RNF182: variants seen among roughly 807,000 people sequenced by gnomAD.
RNF182 encodes E3 ubiquitin-protein ligase RNF182.
In RNF182, 15 loss-of-function variants were observed where a neutral mutation model predicts 14.4. The observed-to-expected ratio is 1.04, with a 90% CI of 0.70 to 1.60. RNF182 has a LOEUF of 1.60. RNF182 is among the 40% of genes most tolerant of loss of function. The probability of loss-of-function intolerance (pLI) is 0.00; values close to 1 mark genes in which losing one functional copy is unlikely to be tolerated. For synonymous variants in RNF182, 128 were observed against 122.9 expected, an observed-to-expected ratio of 1.04 and a Z score of -0.27; for missense variants, 268 against 294.8, an observed-to-expected ratio of 0.91 and a Z score of 0.67.
chr6:13,948,733 G>A (rs1258905325), intron 1 of RNF182, among the ~76,000 whole-genome samples: 1 of 152,040 alleles, frequency 6.6e-6, no homozygotes, highest in African/African-American at 2.4e-5. Context: ...AGAATCTCAG[G>A]TCACTGTAAG....
chr6:13,943,565 A>G (rs913843183), intron 1 of RNF182, among the ~76,000 whole-genome samples: 1 of 152,178 alleles, frequency 6.6e-6, no homozygotes, highest in Admixed American at 6.5e-5. Context: ...TGGAACTGCT[A>G]TATTTTGCAT....
rs1330119 is a variant in RNF182 at position 13,926,795 on chromosome 6, T to G, written c.-367+1772T>G. On this transcript the variant is annotated intron_variant, in intron 1 of 2. Coordinates refer to ENST00000488300, the MANE Select transcript of RNF182 (RefSeq NM_152737.4). ...TGTGTTTGTGTGTGTGTGTGTGTTTTTTTTTTTTTCCTGAGGGACCAACAG... is the reference window on the plus strand; with the variant it reads ...TGTGTTTGTGTGTGTGTGTGTGTTTGTTTTTTTTTCCTGAGGGACCAACAG... Among the ~76,000 whole-genome samples the G allele has an allele frequency of 2.0e-3, 290 of 147,954 alleles. 2 individuals are homozygous for G. Among genetic ancestry groups the G allele is most frequent in the East Asian group, 7.0e-3 (36 of 5,160 alleles).
chr6:13,980,140 C>T lies in RNF182; in HGVS notation c.*2277C>T, dbSNP rs952555498. The T allele has an allele frequency of 6.6e-6, 1 of 152,278 alleles. No individual in the cohort carries two copies. The highest frequency in any genetic ancestry group is 6.6e-5 in the Admixed American group (1 of 15,246). 9.4% of individuals were successfully genotyped at this position (152,278 alleles called of 1,614,324 possible). A position where few individuals can be genotyped will look rare whatever the true frequency, so the allele number is the denominator to read the frequency against. On this transcript the variant is annotated 3_prime_UTR_variant, in exon 3 of 3. Coordinates refer to ENST00000488300, the MANE Select transcript of RNF182 (RefSeq NM_152737.4). ...AATGCCTTTATCATGCCCGTGAAGA[C>T]TTCAGAACTTTCCAACAAAGGGGAC... is the stretch of plus-strand genomic sequence containing the variant.
chr6:13,925,435 A>G (rs1416016420), intron 1 of RNF182: 1 of 152,150 alleles, frequency 6.6e-6, no homozygotes, highest in East Asian at 1.9e-4. Context: ...TTGGGAGGGT[A>G]GTAAGAGGGA....
At chr6:13,965,064 C>T (rs1759985009) in intron 1 of RNF182, among the ~76,000 whole-genome samples, 2 of 152,308 alleles carry the variant, frequency 1.3e-5, no homozygotes, top group Middle Eastern at 3.4e-3. Flanking sequence ...ACAGACAGAA[C>T]TCACGCTGAA....
intron 1 of RNF182, among the ~76,000 whole-genome samples, chr6:13,960,169 A>G (rs917011362): frequency 3.3e-5 from 5 of 152,162 alleles, no homozygotes; most frequent in Non-Finnish European, 5.9e-5. Context: ...ACAGAAAAGG[A>G]TCCATTTGCC....
At chr6:13,939,433 G>T (rs1759228114) in intron 1 of RNF182, among the ~76,000 whole-genome samples, 1 of 151,612 alleles carries the variant, frequency 6.6e-6, no homozygotes, top group South Asian at 2.1e-4. Flanking sequence ...CATTAGATTT[G>T]TTCTTTTTGT....
chr6:13,929,916 T>A (rs1165664489), intron 1 of RNF182, among the ~76,000 whole-genome samples: 1 of 152,246 alleles, frequency 6.6e-6, no homozygotes, highest in African/African-American at 2.4e-5. Context: ...GAAGCATTTC[T>A]TCATAGCATA....
chr6:13,929,695 T>C (rs571556158), intron 1 of RNF182, among the ~76,000 whole-genome samples: 1 of 152,332 alleles, frequency 6.6e-6, no homozygotes, highest in African/African-American at 2.4e-5. Flanking sequence ...AGGAAACTAA[T>C]ATGATCACTT....
chr6:13,927,572 A>G (rs1585027225), intron 1 of RNF182, among the ~76,000 whole-genome samples: 1 of 152,354 alleles, frequency 6.6e-6, no homozygotes, highest in Admixed American at 6.5e-5. Flanking sequence ...CAGTTTATGA[A>G]GCATATCCAA....
chr6:13,949,337 C>T, intron 1 of RNF182: 1 of 770,576 alleles, frequency 1.3e-6, no homozygotes, highest in East Asian at 2.5e-5. Context: ...TAGAGTGGCC[C>T]CCTTGCTTCC....
intron 1 of RNF182, among the ~76,000 whole-genome samples, chr6:13,951,711 G>A (rs1466934343): frequency 1.3e-5 from 2 of 152,164 alleles, no homozygotes; most frequent in African/African-American, 4.8e-5. Context: ...CTTTCTCTGA[G>A]TGGCTCTGAT....
intron 1 of RNF182, among the ~76,000 whole-genome samples, chr6:13,962,866 A>G (rs1367526375): frequency 6.6e-6 from 1 of 152,192 alleles, no homozygotes; most frequent in East Asian, 1.9e-4. Flanking sequence ...TTTTGAAGAA[A>G]CTCAACTTAC....
intron 1 of RNF182, among the ~76,000 whole-genome samples, chr6:13,928,242 A>G (rs185351636): frequency 4.6e-4 from 70 of 152,356 alleles, no homozygotes; most frequent in Non-Finnish European, 8.4e-4. Context: ...ATAGTTCAAG[A>G]TAAACGATTG....
In RNF182 at chr6:13,950,656, A is replaced by G. The variant is rs1215142516; in HGVS notation, c.-366-23554A>G. On this transcript the variant is annotated intron_variant, in intron 1 of 2. Transcript: ENST00000488300. ...GGATTACAGGCACACACCACCACAC[A>G]TGGCTAATTTTTGTATTTTTAGTAG... Among the ~76,000 whole-genome samples, 6 of 151,208 alleles carry G rather than the reference A, an allele frequency of 4.0e-5. No homozygotes were observed. In the South Asian group the frequency reaches 1.3e-3, roughly 32 times the overall value.
intron 1 of RNF182, among the ~76,000 whole-genome samples, chr6:13,954,994 T>G (rs953258405): frequency 6.6e-6 from 1 of 152,252 alleles, no homozygotes; most frequent in Admixed American, 6.5e-5. Context: ...ACAGGTGTTG[T>G]AAGCCTGACC....
intron 1 of RNF182, among the ~76,000 whole-genome samples, chr6:13,939,211 A>C (rs1238045722): frequency 2.0e-5 from 3 of 152,186 alleles, no homozygotes; most frequent in Non-Finnish European, 4.4e-5. Flanking sequence ...TTTACATACA[A>C]ATTTTAGTAT....
intron 1 of RNF182, among the ~76,000 whole-genome samples, chr6:13,942,343 T>TA (rs1375162916): frequency 3.3e-5 from 5 of 152,078 alleles, no homozygotes; most frequent in Non-Finnish European, 7.4e-5. Flanking sequence ...ATTCTTTAAT[T>TA]AAAAAAAATT....
At chr6:13,942,511 T>C (rs940432751) in intron 1 of RNF182, among the ~76,000 whole-genome samples, 2 of 152,076 alleles carry the variant, frequency 1.3e-5, no homozygotes, top group African/African-American at 4.8e-5. Flanking sequence ...CTGGCTAATT[T>C]TTGTGTTTTC....
Sources: gnomAD v4.1 joint callset for allele counts (sites outside exome capture counted in the v4.1 genomes callset) on GRCh38, gnomAD v4.1.1 for gene constraint, MANE v1.5 for transcripts, NCBI Gene and HGNC (gene_info 2026-07-23, HGNC 2026-07-21) for gene names.